CPNE4: variants seen among roughly 807,000 people sequenced by gnomAD.
CPNE4 encodes copine-4.
A neutral mutation model predicts 67.9 loss-of-function variants in CPNE4; 25 were observed. That is an observed-to-expected ratio of 0.37 (90% CI 0.27 to 0.51). The LOEUF is 0.51. CPNE4 is among the 20% of genes least tolerant of loss of function. CPNE4 has a pLI of 0.93. For synonymous variants in CPNE4, 242 were observed against 244.9 expected, an observed-to-expected ratio of 0.99 and a Z score of 0.11; for missense variants, 464 against 690.8, an observed-to-expected ratio of 0.67 and a Z score of 3.68.
At chr3:131,567,709 A>T (rs1227053541) in intron 10 of CPNE4, among the ~76,000 whole-genome samples, 4 of 151,994 alleles carry the variant, frequency 2.6e-5, no homozygotes, top group African/African-American at 9.7e-5. Context: ...GAAAGTAAGG[A>T]TAGAAAATGA....
At chr3:131,960,005 T>C (rs1014294928) in intron 1 of CPNE4, among the ~76,000 whole-genome samples, 1 of 152,150 alleles carries the variant, frequency 6.6e-6, no homozygotes, top group East Asian at 1.9e-4. Context: ...ATTAAAATGA[T>C]GGAAATAGCC....
intron 2 of CPNE4, among the ~76,000 whole-genome samples, chr3:131,864,347 G>T (rs2086837348): frequency 6.6e-6 from 1 of 152,130 alleles, no homozygotes; most frequent in Non-Finnish European, 1.5e-5. Context: ...ATCATGGAAT[G>T]TTCTTCCATT....
chr3:131,577,664 CTGAG>C (rs1468541962), intron 9 of CPNE4, among the ~76,000 whole-genome samples: 1 of 152,136 alleles, frequency 6.6e-6, no homozygotes, highest in Non-Finnish European at 1.5e-5. Flanking sequence ...AGAAGTTGCT[CTGAG>C]TGAGTCAGTG....
intron 2 of CPNE4, among the ~76,000 whole-genome samples, chr3:131,860,496 CAG>C (rs2086631412): frequency 6.6e-6 from 1 of 152,164 alleles, no homozygotes; most frequent in African/African-American, 2.4e-5. Context: ...TGCCCCAACT[CAG>C]AGAATTAAGA....
chr3:131,654,799 CAT>C, intron 7 of CPNE4, among the ~76,000 whole-genome samples: 1 of 152,148 alleles, frequency 6.6e-6, no homozygotes, highest in Non-Finnish European at 1.5e-5. Context: ...TTTCTAGAGA[CAT>C]ATTTTTTTAT....
Position 131,939,770 on chromosome 3 carries a change from C to T in CPNE4, c.-1-34326G>A, listed in dbSNP as rs527374232. Among the ~76,000 whole-genome samples the T allele has an allele frequency of 3.9e-5, 6 of 152,220 alleles. 1 individual carries two copies. The highest frequency in any genetic ancestry group is 7.2e-5 in the African/African-American group (3 of 41,562). On this transcript the variant is annotated intron_variant, in intron 1 of 15. Transcript: ENST00000429747. Reference sequence around the variant, plus strand: ...TTATCCCCACAGTTCATCCTCTGACCATTGCTGCTATAGTCAGTGGCTCAT... The same window carrying T: ...TTATCCCCACAGTTCATCCTCTGACTATTGCTGCTATAGTCAGTGGCTCAT...
At chr3:131,828,825 C>A (rs1025705574) in intron 2 of CPNE4, among the ~76,000 whole-genome samples, 1 of 152,068 alleles carries the variant, frequency 6.6e-6, no homozygotes, top group African/African-American at 2.4e-5. Context: ...GACAGTAAGA[C>A]CTGACTCTAA....
At chr3:131,914,140 A>C (rs2089089727) in intron 1 of CPNE4, among the ~76,000 whole-genome samples, 1 of 152,140 alleles carries the variant, frequency 6.6e-6, no homozygotes, top group Non-Finnish European at 1.5e-5. Context: ...TTTCCATTTC[A>C]TAGGCAAGAA....
At chr3:131,580,907 G>T (rs1582837962) in intron 9 of CPNE4, among the ~76,000 whole-genome samples, 1 of 152,050 alleles carries the variant, frequency 6.6e-6, no homozygotes, top group African/African-American at 2.4e-5. Flanking sequence ...GGCACGGTGG[G>T]TCATGCCTGT....
chr3:131,760,135 T>G (rs2082852038), intron 2 of CPNE4, among the ~76,000 whole-genome samples: 1 of 152,210 alleles, frequency 6.6e-6, no homozygotes, highest in Admixed American at 6.5e-5. Flanking sequence ...ATTCCATCAT[T>G]ACTGGAATGC....
At chr3:131,653,936 GA>G (rs1359407416) in intron 7 of CPNE4, among the ~76,000 whole-genome samples, 1 of 152,220 alleles carries the variant, frequency 6.6e-6, no homozygotes, top group Non-Finnish European at 1.5e-5. Flanking sequence ...ATACCTTAAA[GA>G]AAAATCTAAC....
At chr3:131,986,870 A>AC (rs200704220) in intron 1 of CPNE4, among the ~76,000 whole-genome samples, 14,908 of 148,810 alleles carry the variant, frequency 0.1, 996 homozygotes, top group African/African-American at 0.18. Flanking sequence ...AAACAAACAA[A>AC]AAAAAAAAAA....
intron 7 of CPNE4, among the ~76,000 whole-genome samples, chr3:131,657,299 T>C (rs1051498139): frequency 1.8e-4 from 28 of 152,344 alleles, no homozygotes; most frequent in Middle Eastern, 3.4e-3. Flanking sequence ...AAAAAGACTA[T>C]GTAAACTAAA....
At chr3:131,607,655 T>C (rs1237097674) in intron 7 of CPNE4, among the ~76,000 whole-genome samples, 3 of 152,174 alleles carry the variant, frequency 2.0e-5, no homozygotes, top group Non-Finnish European at 4.4e-5. Flanking sequence ...TATTAATCCA[T>C]ATAGTGGCAA....
At chr3:131,845,391 C>T (rs1167042161) in intron 2 of CPNE4, among the ~76,000 whole-genome samples, 2 of 152,132 alleles carry the variant, frequency 1.3e-5, no homozygotes, top group Non-Finnish European at 2.9e-5. Context: ...AATAGCAAAC[C>T]GAGGACTCAA....
chr3:131,813,399 T>C (rs1342720159), intron 2 of CPNE4, among the ~76,000 whole-genome samples: 1 of 150,182 alleles, frequency 6.7e-6, no homozygotes, highest in Non-Finnish European at 1.5e-5. Context: ...ATAGTATGTA[T>C]ATACAAACGT....
At chr3:132,007,721 T>G (rs2073646143) in intron 1 of CPNE4, among the ~76,000 whole-genome samples, 1 of 152,172 alleles carries the variant, frequency 6.6e-6, no homozygotes, top group South Asian at 2.1e-4. Flanking sequence ...CTTAATGAAT[T>G]ATTCATCATA....
At chr3:131,796,386 C>T (rs533994446) in intron 2 of CPNE4, among the ~76,000 whole-genome samples, 4 of 152,190 alleles carry the variant, frequency 2.6e-5, no homozygotes, top group Admixed American at 2.6e-4. Flanking sequence ...TGTCTCATCC[C>T]CTGGAGTTTA....
chr3:132,033,912 TCCCGTCCCCTGTC>T (rs1289806953), intron 1 of CPNE4, among the ~76,000 whole-genome samples: 3 of 152,282 alleles, frequency 2.0e-5, no homozygotes, highest in African/African-American at 4.8e-5. Flanking sequence ...GTCCCTCCAG[TCCCGTCCCCTGTC>T]CCCGTCCCCC....
Sources: gnomAD v4.1 joint callset for allele counts (sites outside exome capture counted in the v4.1 genomes callset) on GRCh38, gnomAD v4.1.1 for gene constraint, MANE v1.5 for transcripts, NCBI Gene and HGNC (gene_info 2026-07-23, HGNC 2026-07-21) for gene names.